The following MDN1 variants were observed in gnomAD, a reference collection of about 807,000 sequenced individuals.
MDN1 encodes the protein midasin.
Under a neutral mutation model 669.2 loss-of-function variants are expected in MDN1, and 266 were observed. The observed-to-expected ratio is 0.40, with a 90% confidence interval of 0.36 to 0.44. The LOEUF is 0.44. Among genes scored for constraint, MDN1 ranks in the 20% least tolerant of loss-of-function variants. The probability of loss-of-function intolerance (pLI) is 1.00; values close to 1 mark genes in which losing one functional copy is unlikely to be tolerated. For missense variants in MDN1, 5,940 were observed against 6,754.0 expected, an observed-to-expected ratio of 0.88 and a Z score of 4.22; for synonymous variants, 2,385 against 2,457.1, an observed-to-expected ratio of 0.97 and a Z score of 0.87.
chr6:89,661,198 C>T (rs953261238), intron 88 of MDN1, among the ~76,000 whole-genome samples: 5 of 152,088 alleles, frequency 3.3e-5, no homozygotes, highest in African/African-American at 4.8e-5. Context: ...GTGCCAAAAG[C>T]GAGAATAGGA....
chr6:89,716,110 G>T lies in MDN1; in HGVS notation c.6744-341C>A, dbSNP rs185961349. ...TTATCAAATCCATTTAAGGCAGCTG[G>T]ATTTCAATTTGTAACATTCAGATAA... On this transcript the variant is annotated intron_variant, in intron 44 of 101. Coordinates refer to ENST00000369393, the MANE Select transcript of MDN1 (RefSeq NM_014611.3). 1.2e-3 allele frequency among the ~76,000 whole-genome samples: 186 copies of T among 152,258 alleles called. 2 individuals are homozygous for T. The highest frequency in any genetic ancestry group is 4.4e-3 in the African/African-American group (182 of 41,552).
chr6:89,810,178 G>A lies in MDN1; in HGVS notation c.103-6624C>T, dbSNP rs1416666568. 2.0e-5 allele frequency among the ~76,000 whole-genome samples: 3 copies of A among 152,106 alleles called. No individual in the cohort carries two copies. The East Asian group carries it at 5.8e-4, about 29-fold the overall frequency. On this transcript the variant is annotated intron_variant, in intron 1 of 101. Coordinates refer to ENST00000369393, the MANE Select transcript of MDN1 (RefSeq NM_014611.3). Reference sequence around the variant, plus strand: ...AGGCCGGGTATAGTGGCTCACGCCTGTAATCCCAGCATTTTGGGAGGCTGA... The same window carrying A: ...AGGCCGGGTATAGTGGCTCACGCCTATAATCCCAGCATTTTGGGAGGCTGA...
chr6:89,816,426 G>A (rs2128333259), intron 1 of MDN1, among the ~76,000 whole-genome samples: 1 of 20,466 alleles, frequency 4.9e-5, no homozygotes, highest in African/African-American at 1.5e-4. Flanking sequence ...TGAGGAGACT[G>A]CATTTGGGGG....
At position 89,685,909 on chromosome 6, in the gene MDN1, C is replaced by T. The variant is rs1461014826; in HGVS notation, c.11637G>A (p.Ser3879=). Residue 3879 remains serine (S), a synonymous_variant, in exon 70 of 102, where the codon TCG becomes TCA. Transcript: ENST00000369393. ...STLQAFIEGS[S]LGEFHVRLQM... is the part of the protein sequence containing the mutation. Reference sequence around the variant, plus strand: ...GAAGTCGCACATGGAACTCTCCCAGCGAGGATCCTTCAATAAATGCTTGTA... The same window carrying T: ...GAAGTCGCACATGGAACTCTCCCAGTGAGGATCCTTCAATAAATGCTTGTA... The T allele has an allele frequency of 5.6e-6, 9 of 1,613,964 alleles. No individual in the cohort carries two copies. Among genetic ancestry groups the T allele is most frequent in the Middle Eastern group, 1.6e-4 (1 of 6,084 alleles).
chr6:89,662,699 G>A, intron 86 of MDN1, 93 bp downstream of exon 86: 1 of 1,359,106 alleles, frequency 7.4e-7, no homozygotes, highest in African/African-American at 1.5e-5. Flanking sequence ...AACAAATACA[G>A]AAAAAGAAGA....
chr6:89,734,691 A>AACGAGAGAGAGAGAG (rs1554188774), intron 33 of MDN1, among the ~76,000 whole-genome samples: 7 of 112,986 alleles, frequency 6.2e-5, no homozygotes, highest in African/African-American at 1.0e-4. Flanking sequence ...AAAAAAAAAC[A>AACGAGAGAGAGAGAG]AGAGAGAGAG....
intron 10 of MDN1, 121 bp downstream of exon 10, chr6:89,781,278 G>A (rs1818657407): frequency 3.5e-6 from 3 of 862,192 alleles, no homozygotes; most frequent in African/African-American, 3.4e-5. Flanking sequence ...TTGAACCTAG[G>A]AGGCGGAGGT....
At position 89,645,160 on chromosome 6, in the gene MDN1, G is replaced by A. The variant is rs1184275120; in HGVS notation, c.16460-3C>T. On this transcript the variant is annotated splice_region_variant and splice_polypyrimidine_tract_variant and intron_variant, in intron 100 of 101. Coordinates refer to ENST00000369393, the MANE Select transcript of MDN1 (RefSeq NM_014611.3). The stretch of plus-strand genomic sequence containing the variant: ...TACCAGGAGGAGTTGTGCAGTTTCT[G>A]TAGACCATATAAGACGAAGCAAGGG... 1.9e-6 allele frequency: 3 copies of A among 1,598,422 alleles called. No individual in the cohort carries two copies. Among genetic ancestry groups the A allele is most frequent in the Non-Finnish European group, 2.6e-6 (3 of 1,167,010 alleles).
Position 89,674,210 on chromosome 6 carries a change from G to A in MDN1, c.13141C>T (p.Gln4381Ter). 1 of 1,614,204 alleles carries A rather than the reference G, an allele frequency of 6.2e-7. No homozygotes were observed. The highest frequency in any genetic ancestry group is 1.1e-5 in the South Asian group (1 of 91,082). ...TCTGTTAATCTCGTAGTTGACTGTT[G>A]CCAAAGGTGATCCTGTTTCCGCATC... ...CRMRKQDHLW[Q>*]QSTTRLTEML... Residue 4381 changes from glutamine (Q) to a stop codon, truncating the protein, a stop_gained, in exon 79 of 102, where the codon CAA becomes TAA. Transcript: ENST00000369393. LOFTEE classifies it high-confidence loss of function.
At chr6:89,784,018 T>C (rs917574089) in intron 9 of MDN1, among the ~76,000 whole-genome samples, 2 of 146,728 alleles carry the variant, frequency 1.4e-5, no homozygotes, top group African/African-American at 5.0e-5. Flanking sequence ...TAGGAAAAAA[T>C]ATTTGAAGTT....
chr6:89,754,707 A>G (rs552255074), intron 20 of MDN1, among the ~76,000 whole-genome samples: 1 of 149,342 alleles, frequency 6.7e-6, no homozygotes, highest in Admixed American at 6.6e-5. Flanking sequence ...TCACTACCAC[A>G]CTTTAGAAGT....
chr6:89,751,388 T>C (rs1261173519), intron 23 of MDN1, 43 bp downstream of exon 23: 2 of 1,611,806 alleles, frequency 1.2e-6, no homozygotes, highest in Non-Finnish European at 8.5e-7. Context: ...TCAATGCCTA[T>C]GCCTGTATCA....
At chr6:89,789,037 T>C (rs1480302719) in intron 7 of MDN1, among the ~76,000 whole-genome samples, 1 of 152,036 alleles carries the variant, frequency 6.6e-6, no homozygotes, top group South Asian at 2.1e-4. Flanking sequence ...GGCAGGAGAA[T>C]TGCTGGAGCC....
At chr6:89,811,470 C>T (rs1308128668) in intron 1 of MDN1, among the ~76,000 whole-genome samples, 1 of 151,816 alleles carries the variant, frequency 6.6e-6, no homozygotes, top group Non-Finnish European at 1.5e-5. Context: ...TAGGGTCTCA[C>T]TCTGTCGCCA....
At chr6:89,738,679 C>T (rs1816131279) in intron 32 of MDN1, among the ~76,000 whole-genome samples, 1 of 152,158 alleles carries the variant, frequency 6.6e-6, no homozygotes, top group Non-Finnish European at 1.5e-5. Flanking sequence ...TAGACGTGGT[C>T]CAGAGGCCTT....
intron 12 of MDN1, among the ~76,000 whole-genome samples, chr6:89,775,182 C>T (rs1818294556): frequency 6.6e-6 from 1 of 152,172 alleles, no homozygotes; most frequent in Non-Finnish European, 1.5e-5. Context: ...TACCCAACAG[C>T]CATTCCTCTC....
rs758303235 is a variant in MDN1 at position 89,743,697 on chromosome 6, ATAG to A, written c.4193_4195del (p.Thr1398del). The A allele has an allele frequency of 3.1e-6, 5 of 1,614,124 alleles. No homozygotes were observed. Among genetic ancestry groups the A allele is most frequent in the Non-Finnish European group, 4.2e-6 (5 of 1,180,008 alleles). On this transcript the variant is annotated inframe_deletion, in exon 30 of 102. Coordinates refer to ENST00000369393, the MANE Select transcript of MDN1 (RefSeq NM_014611.3). ...TGCCAAGGCTGCAAATACCTGACAG[ATAG>A]TAGTTTTCCCACACCTGTTAGAGAT...
At chr6:89,717,987 C>A (rs1402036472) in intron 43 of MDN1, among the ~76,000 whole-genome samples, 3 of 152,196 alleles carry the variant, frequency 2.0e-5, no homozygotes, top group African/African-American at 7.2e-5. Flanking sequence ...TCCATCTCCA[C>A]ACAAATGAAT....
At chr6:89,790,016 G>GGCAC in intron 6 of MDN1, 105 bp from the exon 7 acceptor site, 1 of 1,577,866 alleles carries the variant, frequency 6.3e-7, no homozygotes, top group Non-Finnish European at 8.6e-7. Flanking sequence ...TAAGTAAGTA[G>GGCAC]GCACTTGAGG....
Sources: gnomAD v4.1 joint callset for allele counts (sites outside exome capture counted in the v4.1 genomes callset) on GRCh38, gnomAD v4.1.1 for gene constraint, MANE v1.5 for transcripts, NCBI Gene and HGNC (gene_info 2026-07-23, HGNC 2026-07-21) for gene names.